The following COG5 variants were observed in gnomAD, a reference collection of about 807,000 sequenced individuals.
COG5 encodes conserved oligomeric Golgi complex subunit 5.
COG5 carries 86 observed loss-of-function variants against 110.4 expected under a neutral mutation model. The ratio of observed to expected loss-of-function variants is 0.78; its 90% CI spans 0.65 to 0.93. COG5 has a LOEUF of 0.93. Among genes scored for constraint, COG5 ranks in the 40% least tolerant of loss-of-function variants. The pLI is 0.00. For synonymous variants in COG5, 360 were observed against 334.6 expected (o/e 1.08, Z -0.83); for missense variants, 1,077 against 987.0 (o/e 1.09, Z -1.22).
intron 17 of COG5, among the ~76,000 whole-genome samples, chr7:107,241,443 T>TA (rs1801620220): frequency 3.4e-5 from 5 of 146,666 alleles, no homozygotes; most frequent in Admixed American, 1.4e-4. Context: ...TATATATATA[T>TA]TTATTTTTTA....
intron 11 of COG5, among the ~76,000 whole-genome samples, chr7:107,303,428 G>C (rs1427624983): frequency 6.6e-6 from 1 of 151,788 alleles, no homozygotes; most frequent in Non-Finnish European, 1.5e-5. Flanking sequence ...TTTTTTGTTT[G>C]TTTGTTTTTT....
At chr7:107,290,579 T>C (rs904585886) in intron 12 of COG5, among the ~76,000 whole-genome samples, 4 of 152,244 alleles carry the variant, frequency 2.6e-5, no homozygotes, top group South Asian at 4.1e-4. Context: ...CCTGTAGAAC[T>C]TTCTTTAGTA....
At chr7:107,205,762 G>A (rs1285915424) in intron 21 of COG5, among the ~76,000 whole-genome samples, 1 of 152,040 alleles carries the variant, frequency 6.6e-6, no homozygotes, top group Non-Finnish European at 1.5e-5. Context: ...CCAGGCAGCA[G>A]GAAAGAATGG....
chr7:107,247,593 T>G (rs930387441), intron 17 of COG5, among the ~76,000 whole-genome samples: 2 of 152,212 alleles, frequency 1.3e-5, no homozygotes, highest in African/African-American at 4.8e-5. Flanking sequence ...TATTAATATT[T>G]GAGTATTTAG....
chr7:107,300,041 A>C (rs115834683), intron 11 of COG5, among the ~76,000 whole-genome samples: 2 of 151,842 alleles, frequency 1.3e-5, no homozygotes, highest in African/African-American at 2.4e-5. Flanking sequence ...CTGAAAATCA[A>C]TCAATGTGAT....
intron 19 of COG5, among the ~76,000 whole-genome samples, chr7:107,220,880 C>T (rs1799874475): frequency 6.9e-6 from 1 of 144,430 alleles, no homozygotes; most frequent in Non-Finnish European, 1.5e-5. Flanking sequence ...TGCAGTGGTG[C>T]AATCTTGGCT....
At chr7:107,444,303 A>G (rs1794884630) in intron 6 of COG5, among the ~76,000 whole-genome samples, 1 of 152,188 alleles carries the variant, frequency 6.6e-6, no homozygotes, top group Admixed American at 6.5e-5. Flanking sequence ...TATTTTTACA[A>G]TAGAGTCTAA....
chr7:107,374,189 T>C (rs1814434456), intron 7 of COG5, among the ~76,000 whole-genome samples: 1 of 152,096 alleles, frequency 6.6e-6, no homozygotes, highest in East Asian at 1.9e-4. Flanking sequence ...TTATAAAAAA[T>C]TATTAACTGA....
chr7:107,558,655 G>A (rs575125565), intron 1 of COG5, among the ~76,000 whole-genome samples: 19 of 151,470 alleles, frequency 1.3e-4, no homozygotes, highest in Admixed American at 3.3e-4. Flanking sequence ...GGGAGGCCGA[G>A]GCAGGTGGAT....
chr7:107,351,838 T>C (rs1241383766), intron 10 of COG5, among the ~76,000 whole-genome samples: 6 of 149,704 alleles, frequency 4.0e-5, no homozygotes, highest in African/African-American at 7.3e-5. Flanking sequence ...TGTGGAGAAA[T>C]AGGAACACTT....
At chr7:107,513,003 TA>T (rs2129145505) in intron 6 of COG5, among the ~76,000 whole-genome samples, 2 of 152,188 alleles carry the variant, frequency 1.3e-5, no homozygotes, top group Non-Finnish European at 2.9e-5. Flanking sequence ...ACTTCATGTC[TA>T]AAACACCAAA....
At chr7:107,235,276 C>A (rs1801094447) in intron 18 of COG5, among the ~76,000 whole-genome samples, 2 of 152,152 alleles carry the variant, frequency 1.3e-5, no homozygotes, top group African/African-American at 4.8e-5. Flanking sequence ...AGACACACTC[C>A]CGGATACACA....
chr7:107,288,349 G>A (rs1346083420), intron 12 of COG5, among the ~76,000 whole-genome samples: 3 of 152,098 alleles, frequency 2.0e-5, no homozygotes, highest in African/African-American at 4.8e-5. Context: ...GCTACAGAAC[G>A]AGACCCAGTT....
intron 12 of COG5, among the ~76,000 whole-genome samples, chr7:107,294,660 C>T (rs1806445216): frequency 6.6e-6 from 1 of 151,034 alleles, no homozygotes; most frequent in Admixed American, 6.6e-5. Flanking sequence ...CACTATGTTC[C>T]AGCTGCACTG....
rs201903481 is a variant in COG5, at chr7:107,552,517, GA to G, written c.292+1767del. 4.8e-3 allele frequency among the ~76,000 whole-genome samples: 721 copies of G among 150,206 alleles called. 15 individuals are homozygous for G. The highest frequency in any genetic ancestry group is 0.036 in the Admixed American group (547 of 15,100). On this transcript the variant is annotated intron_variant, in intron 3 of 21. Transcript: ENST00000297135. ...AGGCATACATGCAGGCAACACACAT[GA>G]AAAAAAAATGCTCAACATCACCAAT...
At chr7:107,210,730 G>T (rs1045529942) in intron 20 of COG5, 125 bp from the exon 21 acceptor site, 1 of 1,077,830 alleles carries the variant, frequency 9.3e-7, no homozygotes, top group Non-Finnish European at 1.4e-6. Context: ...CTGTCCAAGG[G>T]AAGTGTGAAG....
At position 107,563,920 on chromosome 7, in the gene COG5, C is replaced by T; in HGVS notation, c.-24G>A. 1 of 1,613,062 alleles carries T rather than the reference C, an allele frequency of 6.2e-7. No individual in the cohort carries two copies. The highest frequency in any genetic ancestry group is 8.5e-7 in the Non-Finnish European group (1 of 1,179,832). ...ATGTTGGCAGGTGCCGGGTTGATGT[C>T]GTCAGCAGCAGAACGGCTCCGCCCA... On this transcript the variant is annotated 5_prime_UTR_variant, in exon 1 of 22. Coordinates refer to ENST00000297135, the MANE Select transcript of COG5 (RefSeq NM_006348.5).
At chr7:107,510,935 G>A (rs1799453810) in intron 6 of COG5, among the ~76,000 whole-genome samples, 1 of 152,122 alleles carries the variant, frequency 6.6e-6, no homozygotes, top group African/African-American at 2.4e-5. Flanking sequence ...GCCCACAAGA[G>A]AAAGCAGGAA....
intron 6 of COG5, among the ~76,000 whole-genome samples, 191 bp downstream of exon 6, chr7:107,527,046 T>C (rs1057395612): frequency 1.3e-5 from 2 of 152,164 alleles, no homozygotes; most frequent in African/African-American, 2.4e-5. Context: ...TTAAAATAAA[T>C]AGCATTTCAG....
Sources: gnomAD v4.1 joint callset for allele counts (sites outside exome capture counted in the v4.1 genomes callset) on GRCh38, gnomAD v4.1.1 for gene constraint, MANE v1.5 for transcripts, NCBI Gene and HGNC (gene_info 2026-07-23, HGNC 2026-07-21) for gene names.